The following ATP2B4 variants were observed in gnomAD, a reference collection of about 807,000 sequenced individuals.
ATP2B4 encodes plasma membrane calcium-transporting ATPase 4.
A neutral mutation model predicts 110.3 loss-of-function variants in ATP2B4; 39 were observed. The ratio of observed to expected loss-of-function variants is 0.35; its 90% CI spans 0.27 to 0.46. ATP2B4 has a LOEUF of 0.46. ATP2B4 is among the 20% of genes least tolerant of loss of function. The pLI is 1.00. For synonymous variants in ATP2B4, 538 were observed against 571.7 expected (o/e 0.94, Z 0.84); for missense variants, 1,135 against 1,530.9 (o/e 0.74, Z 4.32).
intron 1 of ATP2B4, among the ~76,000 whole-genome samples, chr1:203,645,677 G>A (rs1055631141): frequency 3.4e-5 from 5 of 148,546 alleles, no homozygotes; most frequent in East Asian, 2.0e-4. Context: ...CTGCAACTCC[G>A]CCTCCTGGGT....
chr1:203,664,991 C>A (rs1305230984), intron 1 of ATP2B4, among the ~76,000 whole-genome samples: 3 of 152,146 alleles, frequency 2.0e-5, no homozygotes, highest in African/African-American at 7.2e-5. Context: ...GCCACCGCGC[C>A]TGGCTAATTT....
intron 1 of ATP2B4, among the ~76,000 whole-genome samples, chr1:203,674,259 T>C (rs1419279808): frequency 1.3e-5 from 2 of 152,196 alleles, no homozygotes; most frequent in African/African-American, 4.8e-5. Flanking sequence ...AAGGTGGCTC[T>C]TGTCCTCCTT....
chr1:203,700,282 A>G lies in ATP2B4; in HGVS notation c.726A>G (p.Glu242=). 6.2e-7 allele frequency: 1 copy of G among 1,614,022 alleles called. No homozygotes were observed. Among genetic ancestry groups the G allele is most frequent in the Non-Finnish European group, 8.5e-7 (1 of 1,179,936 alleles). Residue 242 remains glutamate (E), a synonymous_variant, in exon 5 of 21, where the codon GAA becomes GAG. Coordinates refer to ENST00000357681, the MANE Select transcript of ATP2B4 (RefSeq NM_001684.5). ...LKIDESSLTG[E]SDHVKKSLDK... ...TTGATGAGAGCTCTCTGACAGGGGA[A>G]TCTGACCATGTCAAGAAGTCCCTGG...
At chr1:203,738,336 C>T (rs1362246229) in intron 20 of ATP2B4, among the ~76,000 whole-genome samples, 1 of 152,138 alleles carries the variant, frequency 6.6e-6, no homozygotes, top group African/African-American at 2.4e-5. Flanking sequence ...TCAGAGAGAC[C>T]TGCAGTTCAG....
At chr1:203,646,993 G>A (rs1246086105) in intron 1 of ATP2B4, among the ~76,000 whole-genome samples, 4 of 151,964 alleles carry the variant, frequency 2.6e-5, no homozygotes, top group African/African-American at 7.3e-5. Flanking sequence ...ATAAGATTTT[G>A]ATTTAATTTT....
At chr1:203,724,227 C>G (rs557655702) in intron 19 of ATP2B4, among the ~76,000 whole-genome samples, 1 of 152,192 alleles carries the variant, frequency 6.6e-6, no homozygotes, top group East Asian at 1.9e-4. Flanking sequence ...TAGAAAAATC[C>G]CTTAGCTTGG....
rs1476335515 is a variant in ATP2B4 at position 203,742,736 on chromosome 1, G to T, written c.*2882G>T. 4 of 152,336 alleles carry T rather than the reference G, an allele frequency of 2.6e-5. No homozygotes were observed. The East Asian group carries it at 7.7e-4, about 29-fold the overall frequency. 9.4% of individuals were successfully genotyped at this position (152,336 alleles called of 1,614,324 possible). ...TTGGATTTGTGTTTCTTGAAGAATA[G>T]CTGGCAGAGTGGTATAAAAGACACG... On this transcript the variant is annotated 3_prime_UTR_variant, in exon 21 of 21. Coordinates refer to ENST00000357681, the MANE Select transcript of ATP2B4 (RefSeq NM_001684.5).
chr1:203,719,267 G>A (rs1344640211), intron 15 of ATP2B4, among the ~76,000 whole-genome samples: 1 of 146,934 alleles, frequency 6.8e-6, no homozygotes, highest in African/African-American at 2.6e-5. Context: ...AAAATACATG[G>A]TTCTAAAGTC....
At chr1:203,670,286 C>T (rs1221938394) in intron 1 of ATP2B4, among the ~76,000 whole-genome samples, 1 of 152,040 alleles carries the variant, frequency 6.6e-6, no homozygotes, top group African/African-American at 2.4e-5. Flanking sequence ...TCAAGTGATT[C>T]TCCTGACTCA....
At chr1:203,718,889 C>A (rs1240133475) in intron 15 of ATP2B4, among the ~76,000 whole-genome samples, 1 of 152,036 alleles carries the variant, frequency 6.6e-6, no homozygotes, top group Non-Finnish European at 1.5e-5. Context: ...TACCAAGTGG[C>A]TACCAGATCA....
chr1:203,639,908 C>T (rs1339338667), intron 1 of ATP2B4, among the ~76,000 whole-genome samples: 1 of 152,174 alleles, frequency 6.6e-6, no homozygotes, highest in Non-Finnish European at 1.5e-5. Flanking sequence ...GTCTTTACCT[C>T]TCATTTCAGC....
At chr1:203,702,227 G>A (rs1445703606) in intron 7 of ATP2B4, 148 bp downstream of exon 7, 5 of 1,025,130 alleles carry the variant, frequency 4.9e-6, no homozygotes, top group Non-Finnish European at 7.2e-6. Context: ...AAGGTGCAGA[G>A]ATTTTTGGGG....
At chr1:203,682,094 T>C (rs527684739) in intron 1 of ATP2B4, among the ~76,000 whole-genome samples, 1 of 152,270 alleles carries the variant, frequency 6.6e-6, no homozygotes, top group East Asian at 1.9e-4. Context: ...TCCGTACACC[T>C]GGAGGCTGAG....
intron 17 of ATP2B4, among the ~76,000 whole-genome samples, chr1:203,722,152 A>G (rs1411943730): frequency 6.6e-6 from 1 of 152,144 alleles, no homozygotes; most frequent in East Asian, 1.9e-4. Flanking sequence ...CAGAACTAAC[A>G]TTTAAAATGT....
chr1:203,695,574 CCA>C (rs1378188211), intron 2 of ATP2B4, among the ~76,000 whole-genome samples: 1 of 152,096 alleles, frequency 6.6e-6, no homozygotes, highest in Admixed American at 6.5e-5. Context: ...CCTGGATAAG[CCA>C]TCAGGCACCA....
intron 1 of ATP2B4, among the ~76,000 whole-genome samples, chr1:203,667,925 C>T (rs1199708584): frequency 1.3e-5 from 2 of 152,204 alleles, no homozygotes; most frequent in African/African-American, 4.8e-5. Flanking sequence ...TAATTTGGAA[C>T]AGCTGGCCAG....
intron 1 of ATP2B4, among the ~76,000 whole-genome samples, chr1:203,630,363 C>T (rs1182804096): frequency 4.6e-5 from 1 of 21,766 alleles, no homozygotes; most frequent in East Asian, 3.4e-3. Flanking sequence ...CTCTCTCTCT[C>T]TCTCTCTTTT....
intron 1 of ATP2B4, among the ~76,000 whole-genome samples, chr1:203,649,018 A>G (rs1195508234): frequency 6.6e-6 from 1 of 152,222 alleles, no homozygotes; most frequent in Non-Finnish European, 1.5e-5. Flanking sequence ...GTAAGTGACA[A>G]GAATCACTTG....
intron 1 of ATP2B4, among the ~76,000 whole-genome samples, chr1:203,664,884 T>A (rs903366068): frequency 5.9e-5 from 9 of 152,120 alleles, no homozygotes; most frequent in Non-Finnish European, 1.3e-4. Context: ...CAGGCTGGAG[T>A]GCAGTGGCGC....
Sources: allele counts gnomAD v4.1 joint callset (sites outside exome capture counted in the v4.1 genomes callset), GRCh38; gene constraint gnomAD v4.1.1; transcripts MANE v1.5; gene names NCBI Gene and HGNC (gene_info 2026-07-23, HGNC 2026-07-21).